ORC1: variants seen among roughly 807,000 people sequenced by gnomAD.
ORC1 encodes origin recognition complex subunit 1, also known as origin recognition complex, subunit 1 homolog.
A neutral mutation model predicts 98.9 loss-of-function variants in ORC1; 61 were observed. The ratio of observed to expected loss-of-function variants is 0.62; its 90% confidence interval spans 0.50 to 0.76. The LOEUF (loss-of-function observed/expected upper bound fraction) is 0.76, where lower values mean the gene tolerates loss of function less well. Ranked by LOEUF, ORC1 falls within the 30% of genes least tolerant of loss-of-function variation. The pLI is 0.00. For synonymous variants in ORC1, 385 were observed against 406.9 expected (o/e 0.95, Z 0.65); for missense variants, 979 against 1,072.2 (o/e 0.91, Z 1.21).
intron 14 of ORC1, 30 bp from the exon 15 acceptor site, chr1:52,375,629 C>T (rs1020143011): frequency 1.9e-6 from 3 of 1,607,128 alleles, no homozygotes; most frequent in Admixed American, 3.3e-5. Flanking sequence ...ATTCCTGAGG[C>T]CACCTTAGCC....
In ORC1 at chr1:52,388,588, C is replaced by G. The variant is rs747825400; in HGVS notation, c.1237G>C (p.Ala413Pro). ...SDQEEKEILP[A>P]AEISDSSSDE... ...CTGCTAGAGTCTGAAATCTCTGCTGCTGGCAGAATCTCTTTCTCTTCTTGG... is the reference window on the plus strand; with the variant it reads ...CTGCTAGAGTCTGAAATCTCTGCTGGTGGCAGAATCTCTTTCTCTTCTTGG... The change falls in exon 8 of 17, where the codon GCA becomes CCA. Residue 413 changes from alanine (A) to proline (P), a missense_variant. Physicochemically the swap from Ala to Pro is conservative, Grantham distance 27. Transcript: ENST00000371568. 10 of 1,613,940 alleles carry G rather than the reference C, an allele frequency of 6.2e-6. No individual in the cohort carries two copies. The highest frequency in any genetic ancestry group is 8.5e-6 in the Non-Finnish European group (10 of 1,179,996).
chr1:52,375,589 A>G lies in ORC1; in HGVS notation c.2144T>C (p.Leu715Pro). Reference sequence around the variant, plus strand: ...CAGGCACCGTCGTGCATCTCCAGACAGTGCTGCTACCTACAAGAGGGAATA... The same window carrying G: ...CAGGCACCGTCGTGCATCTCCAGACGGTGCTGCTACCTACAAGAGGGAATA... ...IQLVARKVAA[L>P]SGDARRCLDI... The change falls in exon 15 of 17, where the codon CTG becomes CCG. Residue 715 changes from leucine to proline, a missense_variant. By Grantham distance (98) the Leu-to-Pro change is moderately conservative. Coordinates refer to ENST00000371568, the MANE Select transcript of ORC1 (RefSeq NM_004153.4). 1 of 1,613,936 alleles carries G rather than the reference A, an allele frequency of 6.2e-7. No individual in the cohort carries two copies. The highest frequency in any genetic ancestry group is 8.5e-7 in the Non-Finnish European group (1 of 1,180,002).
In ORC1 at chr1:52,393,449, T is replaced by C. The variant is rs1426103764; in HGVS notation, c.1076A>G (p.Lys359Arg). The change falls in exon 6 of 17, where the codon AAA becomes AGA. Residue 359 changes from lysine to arginine, a missense_variant. Lys to Arg is a conservative substitution (Grantham distance 26). Transcript: ENST00000371568. ...PSVILKPENIKKRDAKEAKAQ... is the reference protein window; with the variant it reads ...PSVILKPENIRKRDAKEAKAQ... ...GGGTAATGTCCCTGGTCACCTCTTT[T>C]TGATGTTTTCTGGTTTCAGAATCAC... 1 of 1,614,198 alleles carries C rather than the reference T, an allele frequency of 6.2e-7. No homozygotes were observed. Among genetic ancestry groups the C allele is most frequent in the Non-Finnish European group, 8.5e-7 (1 of 1,180,024 alleles).
At chr1:52,382,838 C>T (rs1647090288) in intron 13 of ORC1, among the ~76,000 whole-genome samples, 1 of 151,980 alleles carries the variant, frequency 6.6e-6, no homozygotes, top group African/African-American at 2.4e-5. Context: ...CCTTGGCCTC[C>T]CAAAGTGCTG....
chr1:52,391,191 C>G (rs1476311712), intron 6 of ORC1, among the ~76,000 whole-genome samples: 2 of 151,520 alleles, frequency 1.3e-5, no homozygotes, highest in African/African-American at 4.9e-5. Flanking sequence ...CGCTGGTAGT[C>G]CCAGCTACTC....
At chr1:52,402,312 C>T (rs1647751560) in intron 1 of ORC1, 84 bp from the exon 2 acceptor site, 1 of 998,348 alleles carries the variant, frequency 1.0e-6, no homozygotes, top group African/African-American at 1.6e-5. Flanking sequence ...CAGTCCCTCC[C>T]TTCAAATGAG....
intron 5 of ORC1, among the ~76,000 whole-genome samples, chr1:52,395,350 A>G (rs1176254470): frequency 1.3e-5 from 2 of 152,260 alleles, no homozygotes; most frequent in African/African-American, 4.8e-5. Context: ...GATAAACCAG[A>G]AAGGGAAACA....
chr1:52,376,045 G>T (rs1326091203), intron 14 of ORC1, among the ~76,000 whole-genome samples: 1 of 152,190 alleles, frequency 6.6e-6, no homozygotes, highest in African/African-American at 2.4e-5. Flanking sequence ...TTTGGGGTCG[G>T]CTTGGTCAAT....
intron 11 of ORC1, 54 bp from the exon 12 acceptor site, chr1:52,383,991 G>T: frequency 1.4e-6 from 2 of 1,468,002 alleles, no homozygotes; most frequent in African/African-American, 1.4e-5. Context: ...ACTCCCTTGG[G>T]CTTAAAGTTA....
intron 6 of ORC1, among the ~76,000 whole-genome samples, chr1:52,390,562 C>T (rs1647195049): frequency 6.6e-6 from 1 of 151,636 alleles, no homozygotes; most frequent in Non-Finnish European, 1.5e-5. Context: ...TTTGGGAGGC[C>T]GACGTGGGTG....
chr1:52,389,468 GT>G, intron 6 of ORC1, 147 bp from the exon 7 acceptor site: 1 of 676,580 alleles, frequency 1.5e-6, no homozygotes. Flanking sequence ...CTGCTAAAAA[GT>G]TGGCAAAAAA....
chr1:52,391,324 A>T (rs1054442769), intron 6 of ORC1, among the ~76,000 whole-genome samples: 67 of 152,022 alleles, frequency 4.4e-4, no homozygotes, highest in African/African-American at 1.6e-3. Flanking sequence ...AAAAAAAAAA[A>T]AAAAAAATCT....
chr1:52,386,065 C>G, intron 8 of ORC1, 116 bp from the exon 9 acceptor site: 1 of 767,070 alleles, frequency 1.3e-6, no homozygotes, highest in Non-Finnish European at 2.3e-6. Flanking sequence ...GTGAATTCCT[C>G]TTAGTTCCTT....
chr1:52,380,705 A>G (rs1647058091), intron 14 of ORC1, among the ~76,000 whole-genome samples: 1 of 152,190 alleles, frequency 6.6e-6, no homozygotes, highest in African/African-American at 2.4e-5. Context: ...AAAAAAAAAA[A>G]AAAGGGTGGC....
In ORC1 at chr1:52,401,483, C is replaced by T. The variant is rs1647705169; in HGVS notation, c.102G>A (p.Met34Ile). Reference sequence around the variant, plus strand: ...TGGAACAACCTTCTGTTTTCACACACATTTCTCTAGGAAGTAACAGAGAAG... The same window carrying T: ...TGGAACAACCTTCTGTTTTCACACATATTTCTCTAGGAAGTAACAGAGAAG... ...RKLHYQTYREMCVKTEGCSTE... is the reference protein window; with the variant it reads ...RKLHYQTYREICVKTEGCSTE... Residue 34 changes from methionine (M) to isoleucine (I), a missense_variant, in exon 3 of 17, where the codon ATG becomes ATA. Transcript: ENST00000371568. 6.2e-7 allele frequency: 1 copy of T among 1,614,026 alleles called. No individual in the cohort carries two copies. Among genetic ancestry groups the T allele is most frequent in the African/African-American group, 1.3e-5 (1 of 75,046 alleles).
At chr1:52,401,319 A>G in intron 3 of ORC1, 43 bp downstream of exon 3, 2 of 1,612,784 alleles carry the variant, frequency 1.2e-6, no homozygotes, top group Non-Finnish European at 1.7e-6. Flanking sequence ...CCTCCCAATC[A>G]TTCATGACAA....
upstream of ORC1, chr1:52,408,558 C>T: frequency 6.2e-7 from 1 of 1,614,094 alleles, no homozygotes; most frequent in East Asian, 2.2e-5. Context: ...TCACTGTCAT[C>T]TGTCTCTCAG....
chr1:52,404,643 T>C (rs1647914425), upstream of ORC1: 1 of 1,299,692 alleles, frequency 7.7e-7, no homozygotes, highest in Admixed American at 2.3e-5. Context: ...GCCTAAGCTG[T>C]TTAGTGAAAC....
rs764468521 is a variant in ORC1, at chr1:52,388,559, G to C, written c.1266C>G (p.Asp422Glu). 3.2e-5 allele frequency: 52 copies of C among 1,614,042 alleles called. No homozygotes were observed. Among genetic ancestry groups the C allele is most frequent in the Non-Finnish European group, 4.2e-5 (50 of 1,179,976 alleles). Residue 422 changes from aspartate (D) to glutamate (E), a missense_variant, in exon 8 of 17, where the codon GAC (aspartate) becomes GAG (glutamate). By Grantham distance (45) the Asp-to-Glu change is conservative. Transcript: ENST00000371568. ...GGGGCGGTGTGGAAGCCTCTTCTTC[G>C]TCACTGCTAGAGTCTGAAATCTCTG... is the stretch of plus-strand genomic sequence containing the variant. ...PAAEISDSSSDEEEASTPPLP... is the reference protein window; with the variant it reads ...PAAEISDSSSEEEEASTPPLP...
Sources: gnomAD v4.1 joint callset for allele counts (sites outside exome capture counted in the v4.1 genomes callset) on GRCh38, gnomAD v4.1.1 for gene constraint, MANE v1.5 for transcripts, NCBI Gene and HGNC (gene_info 2026-07-23, HGNC 2026-07-21) for gene names.